The following LHFPL4 variants were observed in gnomAD, a reference collection of about 807,000 sequenced individuals.
The protein encoded by LHFPL4 is LHFPL tetraspan subfamily member 4 protein.
In LHFPL4, 6 loss-of-function variants were observed where a neutral mutation model predicts 20.0. The ratio of observed to expected loss-of-function variants is 0.30; its 90% CI spans 0.16 to 0.59. The LOEUF is 0.59. Among genes scored for constraint, LHFPL4 ranks in the 20% least tolerant of loss-of-function variants. The pLI, the probability that LHFPL4 is intolerant of heterozygous loss-of-function variation, is 0.88. For synonymous variants in LHFPL4, 129 were observed against 143.8 expected, an observed-to-expected ratio of 0.90 and a Z score of 0.74; for missense variants, 215 against 331.2, an observed-to-expected ratio of 0.65 and a Z score of 2.72.
At chr3:9,522,122 C>T (rs572855252) in intron 2 of LHFPL4, among the ~76,000 whole-genome samples, 45 of 152,076 alleles carry the variant, frequency 3.0e-4, no homozygotes, top group African/African-American at 1.1e-3. Context: ...TCAAATAACA[C>T]TATACCACTT....
intron 2 of LHFPL4, among the ~76,000 whole-genome samples, chr3:9,537,096 A>G (rs1317456303): frequency 6.6e-6 from 1 of 152,022 alleles, no homozygotes; most frequent in Non-Finnish European, 1.5e-5. Context: ...AAAAAAAAGA[A>G]AGAAACCAGC....
Position 9,552,311 on chromosome 3 carries a change from C to T in LHFPL4, c.369G>A (p.Thr123=), listed in dbSNP as rs778518537. Residue 123 remains threonine, a synonymous_variant, in exon 2 of 4, where the codon ACG becomes ACA. Transcript: ENST00000287585. ...GCATCCAGGCGCAGATCTTGTAGAC[C>T]GTAGCCGTGTTGCAGAAGAAGAAAA... ...FSLFFFCNTA[T]VYKICAWMQL... 20 of 1,613,062 alleles carry T rather than the reference C, an allele frequency of 1.2e-5. No individual in the cohort carries two copies. The highest frequency in any genetic ancestry group is 1.6e-5 in the Non-Finnish European group (19 of 1,179,580).
At chr3:9,544,975 T>C (rs778029767) in intron 2 of LHFPL4, among the ~76,000 whole-genome samples, 1 of 152,158 alleles carries the variant, frequency 6.6e-6, no homozygotes, top group Admixed American at 6.6e-5. Context: ...CTGTTTTTGT[T>C]CCTGCCTCTC....
chr3:9,543,729 GT>G (rs58872967), intron 2 of LHFPL4, among the ~76,000 whole-genome samples: 14 of 119,654 alleles, frequency 1.2e-4, no homozygotes, highest in South Asian at 2.8e-4. Context: ...TTTGGTTTTG[GT>G]TTTTTTTTTT....
chr3:9,550,657 C>A (rs1440421669), intron 2 of LHFPL4: 1 of 152,160 alleles, frequency 6.6e-6, no homozygotes, highest in Non-Finnish European at 1.5e-5. Flanking sequence ...TCCAGCTTGC[C>A]TTTGCAGGAG....
intron 2 of LHFPL4, among the ~76,000 whole-genome samples, chr3:9,535,107 A>G (rs2046437080): frequency 6.6e-6 from 1 of 152,226 alleles, no homozygotes; most frequent in Non-Finnish European, 1.5e-5. Flanking sequence ...CTAAAAGTAT[A>G]CTGAGGAAGG....
chr3:9,510,801 G>C (rs190204230), intron 2 of LHFPL4, among the ~76,000 whole-genome samples: 1 of 151,950 alleles, frequency 6.6e-6, no homozygotes, highest in East Asian at 1.9e-4. Flanking sequence ...AGCTGGGCTT[G>C]GTGGCACATG....
At chr3:9,548,249 C>T (rs1487673405) in intron 2 of LHFPL4, among the ~76,000 whole-genome samples, 5 of 152,182 alleles carry the variant, frequency 3.3e-5, no homozygotes, top group Non-Finnish European at 7.3e-5. Context: ...GTACCTACTC[C>T]ACAAGATTGT....
intron 2 of LHFPL4, among the ~76,000 whole-genome samples, chr3:9,508,819 G>A (rs2046237790): frequency 6.6e-6 from 1 of 152,138 alleles, no homozygotes; most frequent in South Asian, 2.1e-4. Context: ...CCCGCCCTCG[G>A]AGTCCCCAGA....
At chr3:9,520,896 G>T (rs2046332986) in intron 2 of LHFPL4, among the ~76,000 whole-genome samples, 1 of 152,102 alleles carries the variant, frequency 6.6e-6, no homozygotes, top group Non-Finnish European at 1.5e-5. Flanking sequence ...GTCACATGAA[G>T]TAGTTTACAG....
Position 9,552,560 on chromosome 3 carries a change from G to A in LHFPL4, c.120C>T (p.Val40=). ...CGCCCACCCAGTAGGGCTGGATGAAGACCACCACGTTGATGATGGCGAAGC... is the reference window on the plus strand; with the variant it reads ...CGCCCACCCAGTAGGGCTGGATGAAAACCACCACGTTGATGATGGCGAAGC... The part of the protein sequence containing the change: ...TICFAIINVV[V]FIQPYWVGDS... The change falls in exon 2 of 4, where the codon GTC becomes GTT. Residue 40 remains valine, a synonymous_variant. Coordinates refer to ENST00000287585, the MANE Select transcript of LHFPL4 (RefSeq NM_198560.3). 2 of 1,614,026 alleles carry A rather than the reference G, an allele frequency of 1.2e-6. No individual in the cohort carries two copies. Among genetic ancestry groups the A allele is most frequent in the Non-Finnish European group, 1.7e-6 (2 of 1,179,968 alleles).
chr3:9,535,896 G>C (rs1166227798), intron 2 of LHFPL4, among the ~76,000 whole-genome samples: 1 of 152,172 alleles, frequency 6.6e-6, no homozygotes. Context: ...CTGCCTACCA[G>C]GTTCAAGCGA....
chr3:9,515,942 T>A (rs1188314485), intron 2 of LHFPL4, among the ~76,000 whole-genome samples: 3 of 152,140 alleles, frequency 2.0e-5, no homozygotes, highest in African/African-American at 2.4e-5. Context: ...CTCAAACTCC[T>A]GGCCTCAAGT....
At chr3:9,540,995 A>G (rs962062055) in intron 2 of LHFPL4, among the ~76,000 whole-genome samples, 1 of 151,914 alleles carries the variant, frequency 6.6e-6, no homozygotes, top group Admixed American at 6.6e-5. Flanking sequence ...GCTGGAGTGC[A>G]ATGGCATGAT....
At chr3:9,541,891 G>C (rs928362910) in intron 2 of LHFPL4, among the ~76,000 whole-genome samples, 17 of 152,168 alleles carry the variant, frequency 1.1e-4, no homozygotes, top group African/African-American at 3.9e-4. Flanking sequence ...GGGAACATCT[G>C]TCAGTTTCTC....
intron 2 of LHFPL4, among the ~76,000 whole-genome samples, chr3:9,513,031 C>T (rs1339451683): frequency 6.6e-6 from 1 of 151,906 alleles, no homozygotes; most frequent in African/African-American, 2.4e-5. Flanking sequence ...GCGATCTCGG[C>T]TCACTGCAAG....
chr3:9,525,024 A>G (rs2046364588), intron 2 of LHFPL4, among the ~76,000 whole-genome samples: 1 of 152,302 alleles, frequency 6.6e-6, no homozygotes, highest in South Asian at 2.1e-4. Context: ...TAGGTGGGAC[A>G]GCATGGCTAG....
chr3:9,519,470 A>C (rs927955910), intron 2 of LHFPL4, among the ~76,000 whole-genome samples: 1 of 152,174 alleles, frequency 6.6e-6, no homozygotes, highest in African/African-American at 2.4e-5. Flanking sequence ...TTTTCAAAAA[A>C]ATAACTTTGG....
At position 9,506,260 on chromosome 3, in the gene LHFPL4, T is replaced by A; in HGVS notation, c.407-57A>T. On this transcript the variant is annotated intron_variant, in intron 2 of 3. Transcript: ENST00000287585. This position sits in a 1 kb window ranked among gnomAD's most constrained non-coding sequence, Gnocchi z 4.5. The stretch of plus-strand genomic sequence containing the variant: ...GGTCAGGAAGGAAGAGAAAAGACCA[T>A]TACTCGCTAGTGTCCGCAGTCTGGG... 1 of 1,434,788 alleles carries A rather than the reference T, an allele frequency of 7.0e-7. No individual in the cohort carries two copies. The highest frequency in any genetic ancestry group is 9.8e-7 in the Non-Finnish European group (1 of 1,019,618). The allele number at this position is 1,434,788 out of a possible 1,614,324, so 88.9% of individuals were successfully genotyped here. A position where few individuals can be genotyped will look rare whatever the true frequency, so the allele number is the denominator to read the frequency against.
Sources: allele counts gnomAD v4.1 joint callset (sites outside exome capture counted in the v4.1 genomes callset), GRCh38; gene constraint gnomAD v4.1.1; non-coding constraint Gnocchi (gnomAD v3.1); transcripts MANE v1.5; gene names NCBI Gene and HGNC (gene_info 2026-07-23, HGNC 2026-07-21).